FARS2: variants seen among roughly 807,000 people sequenced by gnomAD.
The protein encoded by FARS2 is phenylalanine--tRNA ligase, mitochondrial.
Under a neutral mutation model 46.4 loss-of-function variants are expected in FARS2, and 40 were observed. The ratio of observed to expected loss-of-function variants is 0.86; its 90% confidence interval spans 0.67 to 1.12. The LOEUF (loss-of-function observed/expected upper bound fraction) is 1.12, where lower values mean the gene tolerates loss of function less well. Ranked by LOEUF, FARS2 falls within the 50% of genes most tolerant of loss-of-function variation. FARS2 has a pLI of 0.00. For missense variants in FARS2, 513 were observed against 567.9 expected (o/e 0.90, Z 0.98); for synonymous variants, 234 against 214.9 (o/e 1.09, Z -0.78).
intron 6 of FARS2, among the ~76,000 whole-genome samples, chr6:5,664,198 A>G (rs1421393030): frequency 6.6e-6 from 1 of 152,228 alleles, no homozygotes; most frequent in Non-Finnish European, 1.5e-5. Flanking sequence ...AAATGGTTTC[A>G]TCTCTATGCT....
chr6:5,540,617 T>C (rs990023880), intron 4 of FARS2, among the ~76,000 whole-genome samples: 6 of 152,254 alleles, frequency 3.9e-5, no homozygotes, highest in South Asian at 2.1e-4. Flanking sequence ...TTAGCACAGA[T>C]ATATGTCTAA....
At chr6:5,341,188 G>GATAGATAT (rs1771535603) in intron 1 of FARS2, among the ~76,000 whole-genome samples, 3 of 34,188 alleles carry the variant, frequency 8.8e-5, no homozygotes, top group Admixed American at 5.0e-4. Flanking sequence ...GCCATGGGGA[G>GATAGATAT]ATATATATAT....
At chr6:5,468,485 A>G (rs892966010) in intron 4 of FARS2, among the ~76,000 whole-genome samples, 34 of 152,242 alleles carry the variant, frequency 2.2e-4, no homozygotes, top group African/African-American at 7.5e-4. Context: ...CTTCATATTT[A>G]GGGAAAGAAT....
chr6:5,692,568 A>T (rs947808434), intron 6 of FARS2, among the ~76,000 whole-genome samples: 1 of 152,238 alleles, frequency 6.6e-6, no homozygotes, highest in Non-Finnish European at 1.5e-5. Context: ...TGAAAACTAG[A>T]TTGAAGGAAA....
chr6:5,411,920 G>T (rs1761961221), intron 3 of FARS2, among the ~76,000 whole-genome samples: 1 of 152,178 alleles, frequency 6.6e-6, no homozygotes, highest in Admixed American at 6.5e-5. Context: ...CCAAGGTGGG[G>T]ATTTAGGATT....
At chr6:5,476,559 G>T (rs1415880534) in intron 4 of FARS2, among the ~76,000 whole-genome samples, 6 of 141,704 alleles carry the variant, frequency 4.2e-5, no homozygotes, top group Admixed American at 4.2e-4. Flanking sequence ...AATGAATGGA[G>T]TGAGGGAGGG....
At chr6:5,558,020 G>A (rs1771765456) in intron 5 of FARS2, among the ~76,000 whole-genome samples, 1 of 151,902 alleles carries the variant, frequency 6.6e-6, no homozygotes. Flanking sequence ...GAGTTACCAA[G>A]GAACTCTCAA....
chr6:5,729,843 C>T (rs1423668616), intron 6 of FARS2, among the ~76,000 whole-genome samples: 1 of 152,206 alleles, frequency 6.6e-6, no homozygotes. Flanking sequence ...TCCTAAGAGC[C>T]ACCTTTGAAA....
intron 5 of FARS2, among the ~76,000 whole-genome samples, chr6:5,612,728 A>G (rs1177960127): frequency 1.3e-5 from 2 of 152,244 alleles, no homozygotes; most frequent in Non-Finnish European, 2.9e-5. Context: ...ATACTAACAA[A>G]TAATGACATT....
At chr6:5,562,960 C>A (rs181507535) in intron 5 of FARS2, among the ~76,000 whole-genome samples, 1 of 151,842 alleles carries the variant, frequency 6.6e-6, no homozygotes, top group Non-Finnish European at 1.5e-5. Flanking sequence ...CCTGCCACCA[C>A]GCCCAGCTAA....
chr6:5,764,511 G>C lies in FARS2; in HGVS notation c.1218-6780G>C, dbSNP rs1762651200. Among the ~76,000 whole-genome samples, 1 of 152,180 alleles carries C rather than the reference G, an allele frequency of 6.6e-6. No homozygotes were observed. The highest frequency in any genetic ancestry group is 1.5e-5 in the Non-Finnish European group (1 of 68,044). On this transcript the variant is annotated intron_variant, in intron 6 of 6. Transcript: ENST00000274680. This position sits in a 1 kb window ranked among gnomAD's most constrained non-coding sequence, Gnocchi z 4.1. ...CATCAGACAAGCAGGAGACAGATGA[G>C]GAGTGAGCCGGGGAAACCCAGTGTT...
chr6:5,447,062 A>G (rs1286407659), intron 4 of FARS2, among the ~76,000 whole-genome samples: 1 of 152,222 alleles, frequency 6.6e-6, no homozygotes, highest in African/African-American at 2.4e-5. Context: ...TCCTTCTGGT[A>G]GTAGTGAGGC....
intron 6 of FARS2, among the ~76,000 whole-genome samples, chr6:5,631,769 T>C (rs545452852): frequency 8.5e-5 from 13 of 152,354 alleles, no homozygotes; most frequent in African/African-American, 2.9e-4. Flanking sequence ...TTAAATAATA[T>C]TTTTACTTAA....
At chr6:5,304,939 G>A (rs993960005) in intron 1 of FARS2, among the ~76,000 whole-genome samples, 2 of 152,202 alleles carry the variant, frequency 1.3e-5, no homozygotes, top group Non-Finnish European at 2.9e-5. Context: ...GGAATACCTA[G>A]TGATTTGGAG....
intron 2 of FARS2, among the ~76,000 whole-genome samples, chr6:5,393,258 C>G (rs1418889127): frequency 7.0e-6 from 1 of 142,810 alleles, no homozygotes; most frequent in Admixed American, 7.2e-5. Flanking sequence ...GGAAAAGATA[C>G]TCCCACAGAT....
At chr6:5,486,818 A>G (rs1239045345) in intron 4 of FARS2, among the ~76,000 whole-genome samples, 1 of 152,206 alleles carries the variant, frequency 6.6e-6, no homozygotes, top group Admixed American at 6.5e-5. Flanking sequence ...CTGTCCTTCC[A>G]AGCAAAATGA....
intron 6 of FARS2, among the ~76,000 whole-genome samples, chr6:5,708,794 G>A (rs1758924040): frequency 6.6e-6 from 1 of 152,104 alleles, no homozygotes; most frequent in Non-Finnish European, 1.5e-5. Flanking sequence ...CTGAGTAGCT[G>A]GGACTACAGG....
chr6:5,378,763 A>G (rs1759554564), intron 2 of FARS2, among the ~76,000 whole-genome samples: 2 of 152,334 alleles, frequency 1.3e-5, no homozygotes, highest in South Asian at 4.1e-4. Context: ...CCTGTCAAAG[A>G]CACACTTAAA....
chr6:5,402,339 T>C (rs1761308163), intron 2 of FARS2, among the ~76,000 whole-genome samples: 2 of 151,608 alleles, frequency 1.3e-5, no homozygotes, highest in East Asian at 1.9e-4. Context: ...TGAGCATATG[T>C]AACTTAGTTT....
Sources: gnomAD v4.1 joint callset for allele counts (sites outside exome capture counted in the v4.1 genomes callset) on GRCh38, gnomAD v4.1.1 for gene constraint, Gnocchi (gnomAD v3.1) non-coding constraint, MANE v1.5 for transcripts, NCBI Gene and HGNC (gene_info 2026-07-23, HGNC 2026-07-21) for gene names.